Variants in TAFA2 observed in about 807,000 individuals in gnomAD.
TAFA2 encodes the protein chemokine-like protein TAFA-2.
A neutral mutation model predicts 18.8 loss-of-function variants in TAFA2; 7 were observed. The ratio of observed to expected loss-of-function variants is 0.37; its 90% confidence interval spans 0.21 to 0.70. The LOEUF is 0.70. TAFA2 is among the 30% of genes least tolerant of loss of function. The pLI is 0.53. For missense variants in TAFA2, 122 were observed against 158.1 expected (o/e 0.77, Z 1.23); for synonymous variants, 60 against 54.2 (o/e 1.11, Z -0.47).
intron 1 of TAFA2, among the ~76,000 whole-genome samples, chr12:62,213,512 G>A (rs574177805): frequency 1.2e-4 from 18 of 152,052 alleles, no homozygotes; most frequent in African/African-American, 3.1e-4. Flanking sequence ...GCATGGTGGC[G>A]CGTGCCTGTA....
At chr12:61,745,502 C>T (rs1017781731) in intron 4 of TAFA2, among the ~76,000 whole-genome samples, 4 of 152,080 alleles carry the variant, frequency 2.6e-5, no homozygotes, top group Admixed American at 2.0e-4. Flanking sequence ...CTCCCAAGAC[C>T]TCAATCAACT....
intron 1 of TAFA2, among the ~76,000 whole-genome samples, chr12:61,993,908 CTCTCA>C (rs1446940210): frequency 6.6e-6 from 1 of 152,080 alleles, no homozygotes; most frequent in African/African-American, 2.4e-5. Flanking sequence ...AGTGCTCCCT[CTCTCA>C]TAACACCCTG....
At chr12:61,774,064 A>C (rs1870149406) in intron 2 of TAFA2, among the ~76,000 whole-genome samples, 1 of 151,964 alleles carries the variant, frequency 6.6e-6, no homozygotes, top group African/African-American at 2.4e-5. Flanking sequence ...TTCACAAAAC[A>C]AGATATACAA....
chr12:61,716,275 CTT>C (rs1869654913), intron 4 of TAFA2, among the ~76,000 whole-genome samples: 1 of 152,028 alleles, frequency 6.6e-6, no homozygotes, highest in Non-Finnish European at 1.5e-5. Context: ...TTTTCTAACT[CTT>C]TGTCTTTCTA....
intron 2 of TAFA2, among the ~76,000 whole-genome samples, chr12:61,855,557 A>G (rs1173633370): frequency 1.3e-5 from 2 of 152,136 alleles, no homozygotes; most frequent in African/African-American, 2.4e-5. Flanking sequence ...TTTATTTAAC[A>G]TGTATATTTA....
intron 1 of TAFA2, among the ~76,000 whole-genome samples, chr12:62,013,706 A>C (rs1880840314): frequency 6.6e-6 from 1 of 152,256 alleles, no homozygotes; most frequent in African/African-American, 2.4e-5. Context: ...TCTATTTAAT[A>C]ACAACTTATT....
At chr12:61,879,521 T>G (rs1161693924) in intron 1 of TAFA2, 1 of 711,788 alleles carries the variant, frequency 1.4e-6, no homozygotes, top group Non-Finnish European at 2.6e-6. Context: ...GCTGTCATGG[T>G]CAACCAGAGC....
intron 1 of TAFA2, among the ~76,000 whole-genome samples, chr12:61,926,633 A>T (rs535304815): frequency 2.0e-5 from 3 of 152,226 alleles, no homozygotes; most frequent in Non-Finnish European, 4.4e-5. Context: ...AAGGCCTTCG[A>T]TAAAATCCAA....
intron 2 of TAFA2, among the ~76,000 whole-genome samples, chr12:61,839,188 C>G (rs1305369178): frequency 1.3e-5 from 2 of 152,058 alleles, no homozygotes; most frequent in African/African-American, 4.8e-5. Context: ...CAGCAATGCT[C>G]TACGTGCTGA....
intron 1 of TAFA2, among the ~76,000 whole-genome samples, chr12:61,995,549 T>A (rs1308764592): frequency 6.6e-6 from 1 of 152,192 alleles, no homozygotes; most frequent in Non-Finnish European, 1.5e-5. Context: ...CAGGTCGACC[T>A]TTTTCAATGT....
chr12:62,111,485 T>C (rs1407922564), intron 1 of TAFA2, among the ~76,000 whole-genome samples: 1 of 152,218 alleles, frequency 6.6e-6, no homozygotes, highest in Non-Finnish European at 1.5e-5. Context: ...TGGAGATTTC[T>C]GTAGATGTCT....
At chr12:61,793,830 C>T (rs1344275619) in intron 2 of TAFA2, among the ~76,000 whole-genome samples, 1 of 151,730 alleles carries the variant, frequency 6.6e-6, no homozygotes, top group East Asian at 1.9e-4. Context: ...AACATAGATG[C>T]AAGAAGTTTT....
At chr12:62,167,911 T>C (rs1017137814) in intron 1 of TAFA2, among the ~76,000 whole-genome samples, 13 of 152,204 alleles carry the variant, frequency 8.5e-5, no homozygotes, top group African/African-American at 3.1e-4. Context: ...ATAGGGCAAT[T>C]TGAGCCTCAA....
chr12:62,019,860 A>T (rs1373330021), intron 1 of TAFA2, among the ~76,000 whole-genome samples: 1 of 152,192 alleles, frequency 6.6e-6, no homozygotes, highest in Non-Finnish European at 1.5e-5. Flanking sequence ...AATAAAATTT[A>T]TGTTTTAAAC....
Position 61,921,314 on chromosome 12 carries a change from A to G in TAFA2, c.-1-53888T>C, listed in dbSNP as rs558122101. Among the ~76,000 whole-genome samples, 4 of 152,326 alleles carry G rather than the reference A, an allele frequency of 2.6e-5. No individual in the cohort carries two copies. The East Asian group carries it at 7.7e-4, about 29-fold the overall frequency. On this transcript the variant is annotated intron_variant, in intron 1 of 4. Coordinates refer to ENST00000416284, the MANE Select transcript of TAFA2 (RefSeq NM_178539.5). Reference sequence around the variant, plus strand: ...GTAAGAGATATTGCTGGCTTAGGCCAGAGTGGTAGCAGTGGAAGTGATGAG... The same window carrying G: ...GTAAGAGATATTGCTGGCTTAGGCCGGAGTGGTAGCAGTGGAAGTGATGAG...
At chr12:62,222,538 T>C (rs972812935) in intron 1 of TAFA2, among the ~76,000 whole-genome samples, 2 of 151,936 alleles carry the variant, frequency 1.3e-5, no homozygotes, top group African/African-American at 2.4e-5. Flanking sequence ...GACGGAGTCT[T>C]GCTCTGTCGC....
Position 62,249,777 on chromosome 12 carries a change from ACT to A in TAFA2, c.-130+8984_-130+8985del, listed in dbSNP as rs376410911. ...CATTTTATGTGGGCTTCTTTTTCAA[ACT>A]CTCTTTTTTCTTTAAGAGCAAGAGT... On this transcript the variant is annotated intron_variant, in intron 1 of 5. Transcript: ENST00000551619. 1.1e-3 allele frequency among the ~76,000 whole-genome samples: 166 copies of A among 152,116 alleles called. 1 individual carries two copies. Among genetic ancestry groups the A allele is most frequent in the Non-Finnish European group, 1.7e-3 (114 of 67,996 alleles).
At chr12:62,177,504 T>A (rs1027293315) in intron 1 of TAFA2, among the ~76,000 whole-genome samples, 1 of 152,208 alleles carries the variant, frequency 6.6e-6, no homozygotes, top group Non-Finnish European at 1.5e-5. Flanking sequence ...TCCTGGGAGA[T>A]CTCAACCATT....
rs141152445 is a variant in TAFA2 at position 62,135,343 on chromosome 12, T to C, written c.-2+55916A>G. ...ACAAAATCTGACTCCTCTAACTTGA[T>C]ATCAAGCAAAATGTCAGTTCTGAAG... is the stretch of plus-strand genomic sequence containing the variant. On this transcript the variant is annotated intron_variant, in intron 1 of 4. Coordinates refer to ENST00000416284, the MANE Select transcript of TAFA2 (RefSeq NM_178539.5). Among the ~76,000 whole-genome samples, 5 of 152,218 alleles carry C rather than the reference T, an allele frequency of 3.3e-5. No homozygotes were observed. The East Asian group carries it at 9.7e-4, about 29-fold the overall frequency.
Sources: gnomAD v4.1 joint callset for allele counts (sites outside exome capture counted in the v4.1 genomes callset) on GRCh38, gnomAD v4.1.1 for gene constraint, MANE v1.5 for transcripts, NCBI Gene and HGNC (gene_info 2026-07-23, HGNC 2026-07-21) for gene names.